Variants in ASB1 observed in about 807,000 individuals in gnomAD.
ASB1 encodes ankyrin repeat and SOCS box protein 1.
A neutral mutation model predicts 27.7 loss-of-function variants in ASB1; 18 were observed. The observed-to-expected ratio is 0.65, with a 90% CI of 0.45 to 0.96. ASB1 has a LOEUF of 0.96. Among genes scored for constraint, ASB1 ranks in the 50% least tolerant of loss-of-function variants. The probability of loss-of-function intolerance (pLI) is 0.00; values close to 1 mark genes in which losing one functional copy is unlikely to be tolerated. For synonymous variants in ASB1, 189 were observed against 187.6 expected, an observed-to-expected ratio of 1.01 and a Z score of -0.06; for missense variants, 397 against 451.7, an observed-to-expected ratio of 0.88 and a Z score of 1.10.
chr2:238,440,448 A>G (rs1462394565), intron 3 of ASB1, among the ~76,000 whole-genome samples: 2 of 152,124 alleles, frequency 1.3e-5, no homozygotes, highest in East Asian at 3.9e-4. Context: ...TCCTTTCACC[A>G]GTGAGAAACC....
chr2:238,445,418 T>G (rs1388826308), intron 4 of ASB1, among the ~76,000 whole-genome samples: 1 of 152,244 alleles, frequency 6.6e-6, no homozygotes, highest in African/African-American at 2.4e-5. Context: ...TTACTCTCCT[T>G]TCTTCAATTC....
chr2:238,429,784 A>C (rs11692002), intron 1 of ASB1, among the ~76,000 whole-genome samples: 5 of 152,128 alleles, frequency 3.3e-5, no homozygotes, highest in South Asian at 4.1e-4. Context: ...TACACACACA[A>C]AAAATTAGCC....
At position 238,452,024 on chromosome 2, in the gene ASB1, G is replaced by A. The variant is rs1300763599; in HGVS notation, c.*5513G>A. On this transcript the variant is annotated 3_prime_UTR_variant, in exon 5 of 5. Transcript: ENST00000264607. ...GCTCGTGGTTTCCAGTTTGAAGAGAGTTGTGCCCCTAAAAGTGTTTGAAAC... is the reference window on the plus strand; with the variant it reads ...GCTCGTGGTTTCCAGTTTGAAGAGAATTGTGCCCCTAAAAGTGTTTGAAAC... 2 of 152,160 alleles carry A rather than the reference G, an allele frequency of 1.3e-5. No homozygotes were observed. Among genetic ancestry groups the A allele is most frequent in the Non-Finnish European group, 2.9e-5 (2 of 68,048 alleles). 9.4% of individuals were successfully genotyped at this position (152,160 alleles called of 1,614,324 possible). A position where few individuals can be genotyped will look rare whatever the true frequency, so the allele number is the denominator to read the frequency against.
intron 1 of ASB1, 71 bp downstream of exon 1, chr2:238,427,190 C>T (rs1016668266): frequency 7.2e-6 from 8 of 1,110,250 alleles, no homozygotes; most frequent in Non-Finnish European, 9.1e-6. Context: ...GCGTCCCTGC[C>T]GAGGTCCTGC....
intron 3 of ASB1, among the ~76,000 whole-genome samples, chr2:238,440,117 C>T (rs1019668196): frequency 2.6e-5 from 4 of 152,206 alleles, no homozygotes; most frequent in Admixed American, 2.0e-4. Flanking sequence ...TCCTCACTTT[C>T]TCCTGTAACA....
Position 238,452,137 on chromosome 2 carries a change from G to A in ASB1, c.*5626G>A, listed in dbSNP as rs1227403602. 1 of 152,194 alleles carries A rather than the reference G, an allele frequency of 6.6e-6. No homozygotes were observed. The highest frequency in any genetic ancestry group is 1.5e-5 in the Non-Finnish European group (1 of 68,048). The allele number at this position is 152,194 out of a possible 1,614,324, so 9.4% of individuals were successfully genotyped here. ...GACTGTGGGCAAGCCTGTTGTTTTT[G>A]GCCCCCTGTTGTTACATGGGACCTG... On this transcript the variant is annotated 3_prime_UTR_variant, in exon 5 of 5. Transcript: ENST00000264607.
rs1702196404 is a variant in ASB1, at chr2:238,447,134, T to C, written c.*623T>C. 6.5e-6 allele frequency: 1 copy of C among 153,530 alleles called. No individual in the cohort carries two copies. Among genetic ancestry groups the C allele is most frequent in the Non-Finnish European group, 1.5e-5 (1 of 68,696 alleles). 9.5% of individuals were successfully genotyped at this position (153,530 alleles called of 1,614,324 possible). On this transcript the variant is annotated 3_prime_UTR_variant, in exon 5 of 5. Coordinates refer to ENST00000264607, the MANE Select transcript of ASB1 (RefSeq NM_001040445.3). ...GCACGGCACCTGTTCCAACACCTAC[T>C]GTGCCTCTCATCAGGTGTCACGATT... is the stretch of plus-strand genomic sequence containing the variant.
At chr2:238,431,204 C>G (rs1286689971) in intron 1 of ASB1, among the ~76,000 whole-genome samples, 1 of 152,256 alleles carries the variant, frequency 6.6e-6, no homozygotes, top group East Asian at 1.9e-4. Context: ...TTCTGGATAA[C>G]TTGCTGCAGC....
At chr2:238,445,516 T>C (rs188534796) in intron 4 of ASB1, among the ~76,000 whole-genome samples, 1 of 152,332 alleles carries the variant, frequency 6.6e-6, no homozygotes, top group East Asian at 1.9e-4. Flanking sequence ...GAAGAAAGAT[T>C]TTGTTAACGA....
At chr2:238,429,194 C>T (rs1300228068) in intron 1 of ASB1, among the ~76,000 whole-genome samples, 5 of 152,106 alleles carry the variant, frequency 3.3e-5, no homozygotes, top group Non-Finnish European at 1.5e-5. Context: ...ATATAAAAAA[C>T]AATGTCAGCA....
At chr2:238,427,251 C>T (rs1277290001) in intron 1 of ASB1, 132 bp downstream of exon 1, 1 of 622,474 alleles carries the variant, frequency 1.6e-6, no homozygotes, top group Non-Finnish European at 2.3e-6. Context: ...GAGCCGCACC[C>T]TGCAGGCCGG....
chr2:238,432,971 C>T (rs928768856), intron 1 of ASB1, among the ~76,000 whole-genome samples: 1 of 152,108 alleles, frequency 6.6e-6, no homozygotes, highest in Non-Finnish European at 1.5e-5. Context: ...TGGTTTTGAT[C>T]TCTTGACCTC....
At chr2:238,442,471 G>A (rs900187467) in intron 3 of ASB1, among the ~76,000 whole-genome samples, 1 of 152,104 alleles carries the variant, frequency 6.6e-6, no homozygotes, top group Non-Finnish European at 1.5e-5. Context: ...CTCTTTATAC[G>A]TTAAGGGTAT....
At chr2:238,442,515 T>C (rs998245865) in intron 3 of ASB1, among the ~76,000 whole-genome samples, 1 of 152,352 alleles carries the variant, frequency 6.6e-6, no homozygotes, top group Admixed American at 6.5e-5. Context: ...CAATTTTTCA[T>C]TGCTTGTTTT....
chr2:238,428,386 G>A (rs1207618536), intron 1 of ASB1, among the ~76,000 whole-genome samples: 1 of 152,196 alleles, frequency 6.6e-6, no homozygotes, highest in Non-Finnish European at 1.5e-5. Context: ...CGCCTCGGGG[G>A]TTCAAGCGAT....
At chr2:238,443,282 C>T in intron 3 of ASB1, among the ~76,000 whole-genome samples, 1 of 152,026 alleles carries the variant, frequency 6.6e-6, no homozygotes, top group East Asian at 1.9e-4. Flanking sequence ...TAAGTTTATG[C>T]TTAGATATGT....
At position 238,433,588 on chromosome 2, in the gene ASB1, T is replaced by C; in HGVS notation, c.84T>C (p.Phe28=). ...RNLKEWLREQ[F]CDHPLEHCED... is the part of the protein sequence containing the mutation. ...TGAAGGAGTGGCTGAGGGAGCAATT[T>C]TGTGATCATCCGCTGGAGCACTGTG... Residue 28 remains phenylalanine (F), a synonymous_variant, in exon 2 of 5, where the codon TTT becomes TTC. Transcript: ENST00000264607. 1 of 1,614,134 alleles carries C rather than the reference T, an allele frequency of 6.2e-7. No homozygotes were observed. The highest frequency in any genetic ancestry group is 1.7e-5 in the Admixed American group (1 of 60,018).
At chr2:238,438,217 T>TTTTTTTTTA (rs1702009598) in intron 3 of ASB1, among the ~76,000 whole-genome samples, 1 of 149,058 alleles carries the variant, frequency 6.7e-6, no homozygotes, top group African/African-American at 2.5e-5. Flanking sequence ...TTTTTTTTTT[T>TTTTTTTTTA]GAGACGGAGT....
chr2:238,437,623 C>G (rs1237818158), intron 3 of ASB1, among the ~76,000 whole-genome samples: 1 of 151,352 alleles, frequency 6.6e-6, no homozygotes, highest in Non-Finnish European at 1.5e-5. Flanking sequence ...TGACTTCTTT[C>G]CAGCAAAGAT....
Sources: allele counts gnomAD v4.1 joint callset (sites outside exome capture counted in the v4.1 genomes callset), GRCh38; gene constraint gnomAD v4.1.1; transcripts MANE v1.5; gene names NCBI Gene and HGNC (gene_info 2026-07-23, HGNC 2026-07-21).